The following CCSER1 variants were observed in gnomAD, a reference collection of about 807,000 sequenced individuals.
CCSER1 encodes the protein coiled-coil serine rich protein 1, also known as serine-rich coiled-coil domain-containing protein 1.
In CCSER1, 41 loss-of-function variants were observed where a neutral mutation model predicts 82.0. The observed-to-expected ratio is 0.50, with a 90% CI of 0.39 to 0.65. The LOEUF (loss-of-function observed/expected upper bound fraction) is 0.65. CCSER1 is among the 30% of genes least tolerant of loss of function. The pLI, the probability that CCSER1 is intolerant of heterozygous loss-of-function variation, is 0.00. For missense variants in CCSER1, 1,119 were observed against 1,064.2 expected (o/e 1.05, Z -0.72); for synonymous variants, 414 against 383.9 (o/e 1.08, Z -0.92).
At chr4:90,936,414 T>C (rs1264728848) in intron 9 of CCSER1, among the ~76,000 whole-genome samples, 2 of 152,182 alleles carry the variant, frequency 1.3e-5, no homozygotes, top group Admixed American at 6.5e-5. Flanking sequence ...AGGTGAACTT[T>C]ACTATTTCCT....
intron 1 of CCSER1, among the ~76,000 whole-genome samples, chr4:90,227,168 C>T (rs55712843): frequency 6.6e-6 from 1 of 152,188 alleles, no homozygotes; most frequent in Non-Finnish European, 1.5e-5. Context: ...GCATCTGCTT[C>T]TGAGCAAGGT....
intron 7 of CCSER1, among the ~76,000 whole-genome samples, chr4:90,789,041 T>C (rs774814305): frequency 7.2e-5 from 11 of 152,036 alleles, no homozygotes; most frequent in Non-Finnish European, 8.8e-5. Context: ...CTCAATCTTG[T>C]TAACAACTAT....
At chr4:91,004,413 T>C (rs1169278368) in intron 9 of CCSER1, among the ~76,000 whole-genome samples, 1 of 152,230 alleles carries the variant, frequency 6.6e-6, no homozygotes, top group East Asian at 1.9e-4. Context: ...GTGTTTAGTG[T>C]TTAAAAATAG....
At chr4:91,310,728 T>C (rs1220204021) in intron 10 of CCSER1, among the ~76,000 whole-genome samples, 1 of 151,922 alleles carries the variant, frequency 6.6e-6, no homozygotes, top group Non-Finnish European at 1.5e-5. Flanking sequence ...TGACAGGAGG[T>C]AATAGTATTG....
At chr4:91,174,358 T>G (rs2149010547) in intron 10 of CCSER1, among the ~76,000 whole-genome samples, 1 of 152,278 alleles carries the variant, frequency 6.6e-6, no homozygotes, top group African/African-American at 2.4e-5. Flanking sequence ...TGATTTGTGA[T>G]ATAGATTTCT....
chr4:91,250,592 G>T (rs911820716), intron 10 of CCSER1, among the ~76,000 whole-genome samples: 1 of 151,184 alleles, frequency 6.6e-6, no homozygotes, highest in East Asian at 1.9e-4. Flanking sequence ...TATTTGTATT[G>T]TATAGTGTGG....
intron 8 of CCSER1, among the ~76,000 whole-genome samples, chr4:90,913,924 A>C (rs1260857852): frequency 1.3e-5 from 2 of 152,238 alleles, no homozygotes; most frequent in South Asian, 4.1e-4. Context: ...TAAAGGGATC[A>C]ATTCAACAAG....
At chr4:90,996,703 G>T (rs975773633) in intron 9 of CCSER1, among the ~76,000 whole-genome samples, 1 of 151,794 alleles carries the variant, frequency 6.6e-6, no homozygotes, top group Non-Finnish European at 1.5e-5. Flanking sequence ...ACATTATTTT[G>T]TTCTCCATTC....
chr4:90,929,928 A>G (rs1729519115), intron 9 of CCSER1, among the ~76,000 whole-genome samples: 1 of 152,214 alleles, frequency 6.6e-6, no homozygotes, highest in African/African-American at 2.4e-5. Context: ...AATTTGTTTG[A>G]TTTAATCATT....
At chr4:91,399,208 C>T (rs936415131) in intron 10 of CCSER1, among the ~76,000 whole-genome samples, 1 of 151,868 alleles carries the variant, frequency 6.6e-6, no homozygotes, top group Non-Finnish European at 1.5e-5. Flanking sequence ...AATGATCATG[C>T]AAGACATGAT....
intron 1 of CCSER1, among the ~76,000 whole-genome samples, chr4:90,149,759 T>A (rs1726458699): frequency 6.6e-6 from 1 of 152,140 alleles, no homozygotes; most frequent in South Asian, 2.1e-4. Context: ...AACTTAGTGC[T>A]CTTGAACTTT....
intron 7 of CCSER1, among the ~76,000 whole-genome samples, chr4:90,804,182 A>G (rs942707356): frequency 6.6e-6 from 1 of 152,132 alleles, no homozygotes; most frequent in African/African-American, 2.4e-5. Flanking sequence ...CTCTGATGAT[A>G]GCTTCTTTTG....
intron 10 of CCSER1, among the ~76,000 whole-genome samples, chr4:91,569,588 G>A (rs1763066809): frequency 6.6e-6 from 1 of 152,146 alleles, no homozygotes; most frequent in Non-Finnish European, 1.5e-5. Context: ...GAGAGAGAAT[G>A]AGTGCCAGCA....
chr4:90,905,618 T>A (rs963094129), intron 8 of CCSER1, among the ~76,000 whole-genome samples: 1 of 152,168 alleles, frequency 6.6e-6, no homozygotes, highest in Admixed American at 6.6e-5. Context: ...TTTGTCGTTT[T>A]TTACCTGGTA....
At chr4:90,254,979 A>G (rs1403217568) in intron 1 of CCSER1, among the ~76,000 whole-genome samples, 1 of 70,126 alleles carries the variant, frequency 1.4e-5, no homozygotes, top group Non-Finnish European at 2.4e-5. Flanking sequence ...ATATATATCA[A>G]CACACACACA....
chr4:90,584,582 T>A (rs747729477), intron 5 of CCSER1, among the ~76,000 whole-genome samples: 4 of 152,172 alleles, frequency 2.6e-5, no homozygotes, highest in Non-Finnish European at 4.4e-5. Flanking sequence ...GCTAAAAATT[T>A]GGGTATTGTT....
chr4:90,240,664 T>C (rs904746760), intron 1 of CCSER1, among the ~76,000 whole-genome samples: 6 of 152,246 alleles, frequency 3.9e-5, no homozygotes, highest in African/African-American at 1.2e-4. Context: ...AATTAATTCA[T>C]AACTAGCACA....
chr4:91,192,643 C>A (rs1178700724), intron 10 of CCSER1, among the ~76,000 whole-genome samples: 1 of 152,076 alleles, frequency 6.6e-6, no homozygotes, highest in African/African-American at 2.4e-5. Flanking sequence ...TTGGAAGAAC[C>A]TTGATTTAGC....
chr4:91,052,942 A>C (rs968814713), intron 9 of CCSER1, among the ~76,000 whole-genome samples: 5 of 152,112 alleles, frequency 3.3e-5, no homozygotes, highest in African/African-American at 1.2e-4. Context: ...AAAGTATTTA[A>C]AGTGTAGTAA....
Sources: gnomAD v4.1 joint callset for allele counts (sites outside exome capture counted in the v4.1 genomes callset) on GRCh38, gnomAD v4.1.1 for gene constraint, MANE v1.5 for transcripts, NCBI Gene and HGNC (gene_info 2026-07-23, HGNC 2026-07-21) for gene names.